Variants in NKAIN3 observed in about 807,000 individuals in gnomAD.
NKAIN3 encodes sodium/potassium-transporting ATPase subunit beta-1-interacting protein 3.
NKAIN3 carries 25 observed loss-of-function variants against 30.2 expected under a neutral mutation model. That is an observed-to-expected ratio of 0.83 (90% CI 0.60 to 1.16). The LOEUF (loss-of-function observed/expected upper bound fraction) is 1.16, where lower values mean the gene tolerates loss of function less well. Ranked by LOEUF, NKAIN3 falls within the 50% of genes most tolerant of loss-of-function variation. The pLI is 0.00. For missense variants in NKAIN3, 225 were observed against 254.1 expected, an observed-to-expected ratio of 0.89 and a Z score of 0.78; for synonymous variants, 91 against 89.6, an observed-to-expected ratio of 1.02 and a Z score of -0.09.
At chr8:62,708,924 A>G (rs1436235016) in intron 3 of NKAIN3, among the ~76,000 whole-genome samples, 1 of 152,094 alleles carries the variant, frequency 6.6e-6, no homozygotes, top group African/African-American at 2.4e-5. Flanking sequence ...GAGAGTTATA[A>G]TCATAAAGGG....
chr8:62,782,536 G>A (rs1211305221), intron 4 of NKAIN3, among the ~76,000 whole-genome samples: 1 of 151,766 alleles, frequency 6.6e-6, no homozygotes, highest in Admixed American at 6.6e-5. Flanking sequence ...TCCATCAATG[G>A]ATGAATGGAT....
intron 4 of NKAIN3, among the ~76,000 whole-genome samples, chr8:62,852,172 A>G (rs6999540): frequency 0.11 from 16,594 of 151,788 alleles, 964 homozygotes; most frequent in African/African-American, 0.15. Flanking sequence ...CTTTTTCCTG[A>G]TTTAGTCTTG....
At chr8:62,281,323 C>T (rs1010290875) in intron 1 of NKAIN3, among the ~76,000 whole-genome samples, 2 of 152,012 alleles carry the variant, frequency 1.3e-5, no homozygotes, top group African/African-American at 4.8e-5. Flanking sequence ...TTCAAAAAAC[C>T]AGCTCCTGGA....
chr8:62,825,706 TC>T (rs1818999535), intron 4 of NKAIN3, among the ~76,000 whole-genome samples: 1 of 152,238 alleles, frequency 6.6e-6, no homozygotes, highest in East Asian at 1.9e-4. Flanking sequence ...TGATATGTGG[TC>T]TAAACAGCTA....
chr8:62,441,278 G>T (rs1266602706), intron 1 of NKAIN3, among the ~76,000 whole-genome samples: 1 of 151,754 alleles, frequency 6.6e-6, no homozygotes, highest in Non-Finnish European at 1.5e-5. Context: ...TTGTTTTTCG[G>T]TATGCCTTCA....
rs145815415 is a variant in NKAIN3, at chr8:62,809,444, T to G, written c.471+62315T>G. Among the ~76,000 whole-genome samples, 1,479 of 152,272 alleles carry G rather than the reference T, an allele frequency of 9.7e-3. 21 individuals are homozygous for G. Among genetic ancestry groups the G allele is most frequent in the African/African-American group, 0.034 (1,398 of 41,564 alleles). ...TTATAAAAGTACTAATTTGGGGAAC[T>G]AATAAATGTCCATGAAATCTTCACA... On this transcript the variant is annotated intron_variant, in intron 4 of 6. Coordinates refer to ENST00000623646, the MANE Select transcript of NKAIN3 (RefSeq NM_001304533.3).
At chr8:62,595,821 C>T (rs1376716138) in intron 3 of NKAIN3, among the ~76,000 whole-genome samples, 10 of 151,928 alleles carry the variant, frequency 6.6e-5, no homozygotes, top group African/African-American at 2.2e-4. Flanking sequence ...TCATTAACAT[C>T]GGAGCATGGG....
At chr8:62,350,798 C>T (rs991723321) in intron 1 of NKAIN3, among the ~76,000 whole-genome samples, 1 of 152,044 alleles carries the variant, frequency 6.6e-6, no homozygotes, top group African/African-American at 2.4e-5. Context: ...TCAAGCGATT[C>T]TCATGCCTCA....
At chr8:62,864,050 C>T (rs1820342414) in intron 4 of NKAIN3, 4 of 694,226 alleles carry the variant, frequency 5.8e-6, no homozygotes, top group Non-Finnish European at 1.1e-5. Flanking sequence ...CGCTTTTGGG[C>T]CTGAATGGGC....
At chr8:62,604,896 G>GGTTATC in intron 3 of NKAIN3, among the ~76,000 whole-genome samples, 1 of 152,192 alleles carries the variant, frequency 6.6e-6, no homozygotes, top group East Asian at 1.9e-4. Context: ...AGAAGTTTCT[G>GGTTATC]GTTATCGTCC....
intron 4 of NKAIN3, among the ~76,000 whole-genome samples, chr8:62,885,442 G>A (rs1821116407): frequency 6.6e-6 from 1 of 152,208 alleles, no homozygotes; most frequent in African/African-American, 2.4e-5. Context: ...AGCTTGAGAA[G>A]AATGTATATT....
intron 4 of NKAIN3, among the ~76,000 whole-genome samples, chr8:62,781,671 T>C (rs1817357140): frequency 2.0e-5 from 3 of 151,834 alleles, no homozygotes; most frequent in South Asian, 2.1e-4. Context: ...GAACATACAC[T>C]GGGTAAAATA....
downstream of NKAIN3, among the ~76,000 whole-genome samples, chr8:62,986,749 C>T (rs1824207808): frequency 6.6e-6 from 1 of 152,066 alleles, no homozygotes; most frequent in Non-Finnish European, 1.5e-5. Context: ...CCTCCCCCAT[C>T]CCCCAAAACT....
intron 4 of NKAIN3, among the ~76,000 whole-genome samples, chr8:62,810,638 G>GTTTTTTTTTTTTTTTTTTT (rs3032376): frequency 8.3e-6 from 1 of 120,206 alleles, no homozygotes. Flanking sequence ...TAGGTAGAAA[G>GTTTTTTTTTTTTTTTTTTT]TTTTTTTTTT....
chr8:62,315,974 A>T (rs1814610671), intron 1 of NKAIN3, among the ~76,000 whole-genome samples: 1 of 152,184 alleles, frequency 6.6e-6, no homozygotes, highest in Admixed American at 6.6e-5. Context: ...TAATTGAATC[A>T]TGGGGGCGGT....
intron 3 of NKAIN3, among the ~76,000 whole-genome samples, chr8:62,710,155 T>C (rs2130491142): frequency 6.6e-6 from 1 of 152,272 alleles, no homozygotes; most frequent in East Asian, 1.9e-4. Flanking sequence ...TGGTCTGTCT[T>C]GGAGATTGTT....
chr8:62,520,564 A>G (rs1156233529), intron 1 of NKAIN3, among the ~76,000 whole-genome samples: 1 of 152,186 alleles, frequency 6.6e-6, no homozygotes. Context: ...GTACTTGAAC[A>G]CTACTTATAT....
chr8:62,291,699 A>G (rs1257487317), intron 1 of NKAIN3, among the ~76,000 whole-genome samples: 7 of 152,212 alleles, frequency 4.6e-5, no homozygotes, highest in African/African-American at 1.7e-4. Context: ...GGTGCTGAGA[A>G]GAATGTATAT....
chr8:62,536,936 G>T (rs1808683077), intron 1 of NKAIN3, among the ~76,000 whole-genome samples: 1 of 152,038 alleles, frequency 6.6e-6, no homozygotes. Flanking sequence ...GAGAACCTCT[G>T]CTCTCCCATC....
Sources: allele counts gnomAD v4.1 joint callset (sites outside exome capture counted in the v4.1 genomes callset), GRCh38; gene constraint gnomAD v4.1.1; transcripts MANE v1.5; gene names NCBI Gene and HGNC (gene_info 2026-07-23, HGNC 2026-07-21).